PSD3: variants seen among roughly 807,000 people sequenced by gnomAD.
The protein encoded by PSD3 is PH and SEC7 domain-containing protein 3.
A neutral mutation model predicts 105.5 loss-of-function variants in PSD3; 49 were observed. The ratio of observed to expected loss-of-function variants is 0.46; its 90% CI spans 0.37 to 0.59. PSD3 has a LOEUF of 0.59. Ranked by LOEUF, PSD3 falls within the 20% of genes least tolerant of loss-of-function variation. PSD3 has a pLI of 0.00. For missense variants in PSD3, 1,561 were observed against 1,263.8 expected (o/e 1.24, Z -3.57); for synonymous variants, 557 against 457.8 (o/e 1.22, Z -2.77).
At chr8:19,084,413 A>G (rs1195070771) in exon 1 of PSD3, 2 of 456,150 alleles carry the variant, frequency 4.4e-6, no homozygotes, top group South Asian at 3.1e-5. Flanking sequence ...CAGCCCTTGG[A>G]GGGGAGCATC....
intron 9 of PSD3, among the ~76,000 whole-genome samples, chr8:18,763,784 G>A (rs1313076938): frequency 6.6e-6 from 1 of 152,040 alleles, no homozygotes; most frequent in East Asian, 1.9e-4. Flanking sequence ...ATCTTGGGTG[G>A]GTGAGCGGCT....
rs557283732 is a variant in PSD3 at position 18,756,390 on chromosome 8, T to A, written c.2172+9059A>T. On this transcript the variant is annotated intron_variant, in intron 9 of 15. Transcript: ENST00000327040. ...CTCTTGTGTAGTCCTTTGGGAATAATCTTTTGAAAATGCTGCAATGACAAA... is the reference window on the plus strand; with the variant it reads ...CTCTTGTGTAGTCCTTTGGGAATAAACTTTTGAAAATGCTGCAATGACAAA... Among the ~76,000 whole-genome samples, 39 of 152,314 alleles carry A rather than the reference T, an allele frequency of 2.6e-4. No individual in the cohort carries two copies. The South Asian group carries it at 7.7e-3, about 30-fold the overall frequency.
intron 9 of PSD3, among the ~76,000 whole-genome samples, chr8:18,721,999 G>A (rs746035759): frequency 1.5e-4 from 23 of 152,054 alleles, no homozygotes; most frequent in Non-Finnish European, 2.5e-4. Context: ...ATTTGAAAGC[G>A]GAAGCCAATT....
chr8:18,773,467 T>A (rs572003263), intron 8 of PSD3, among the ~76,000 whole-genome samples: 2 of 152,176 alleles, frequency 1.3e-5, no homozygotes, highest in Admixed American at 6.5e-5. Context: ...TTGGGGTACC[T>A]TGAACTCTCA....
intron 4 of PSD3, among the ~76,000 whole-genome samples, chr8:18,820,731 C>T (rs1812629513): frequency 6.6e-6 from 1 of 152,092 alleles, no homozygotes; most frequent in South Asian, 2.1e-4. Context: ...CTGCTGTATG[C>T]AGTTGCCTTA....
chr8:18,613,540 C>T lies in PSD3; in HGVS notation c.2411-13106G>A, dbSNP rs184486155. 5.4e-3 allele frequency among the ~76,000 whole-genome samples: 820 copies of T among 150,732 alleles called. 8 individuals are homozygous for T. Among genetic ancestry groups the T allele is most frequent in the South Asian group, 0.02 (91 of 4,614 alleles). On this transcript the variant is annotated intron_variant, in intron 11 of 15. Coordinates refer to ENST00000327040, the MANE Select transcript of PSD3 (RefSeq NM_015310.4). ...TTTCCTGGTCGTGTGACAAGAACCC[C>T]GTTTTTTTTCCTGCAACGCTAGAGT... is the stretch of plus-strand genomic sequence containing the variant.
chr8:18,607,326 G>GCACA (rs1804912429), intron 11 of PSD3, among the ~76,000 whole-genome samples: 1 of 152,296 alleles, frequency 6.6e-6, no homozygotes, highest in South Asian at 2.1e-4. Context: ...AGTAGTAATA[G>GCACA]CACAGCAAAT....
chr8:18,576,628 A>C (rs1490899964), intron 12 of PSD3, among the ~76,000 whole-genome samples: 1 of 152,176 alleles, frequency 6.6e-6, no homozygotes, highest in Non-Finnish European at 1.5e-5. Context: ...AGGAATTTCA[A>C]CTAGAGGTAG....
intron 1 of PSD3, among the ~76,000 whole-genome samples, chr8:18,997,322 T>G (rs758295287): frequency 5.9e-5 from 9 of 151,792 alleles, no homozygotes; most frequent in Admixed American, 4.6e-4. Flanking sequence ...AGGCCAGTAT[T>G]TTGCAAGTCA....
intron 9 of PSD3, among the ~76,000 whole-genome samples, chr8:18,664,210 C>T (rs28874290): frequency 0.037 from 5,691 of 152,230 alleles, 102 homozygotes; most frequent in East Asian, 0.054. Context: ...CTTAGTGAGG[C>T]TAAGGCTACG....
chr8:18,653,587 A>G (rs13268366), intron 10 of PSD3, among the ~76,000 whole-genome samples: 36,201 of 152,054 alleles, frequency 0.24, 4,716 homozygotes, highest in South Asian at 0.44. Flanking sequence ...ATTCACACCA[A>G]AATTTATCTG....
chr8:18,769,208 C>A (rs1220351466), intron 8 of PSD3, among the ~76,000 whole-genome samples: 1 of 152,044 alleles, frequency 6.6e-6, no homozygotes, highest in East Asian at 1.9e-4. Flanking sequence ...AATCTTTTTC[C>A]AAGTCAGGTG....
intron 1 of PSD3, among the ~76,000 whole-genome samples, chr8:19,042,471 C>T (rs968184881): frequency 2.6e-5 from 4 of 152,128 alleles, no homozygotes; most frequent in Admixed American, 6.5e-5. Context: ...AACAGAAGAA[C>T]GTTAGTGATT....
chr8:19,056,033 A>G (rs1828699698), intron 1 of PSD3, among the ~76,000 whole-genome samples: 1 of 152,214 alleles, frequency 6.6e-6, no homozygotes, highest in African/African-American at 2.4e-5. Flanking sequence ...TCTTTATGTC[A>G]GTCTGACTTC....
At chr8:18,910,049 G>A (rs918254527) in intron 2 of PSD3, among the ~76,000 whole-genome samples, 3 of 152,072 alleles carry the variant, frequency 2.0e-5, no homozygotes, top group African/African-American at 4.8e-5. Flanking sequence ...CGAAGAGTTC[G>A]CTCCCCTCCC....
At chr8:18,586,448 C>G (rs193302837) in intron 12 of PSD3, among the ~76,000 whole-genome samples, 4 of 152,262 alleles carry the variant, frequency 2.6e-5, no homozygotes, top group Admixed American at 2.6e-4. Context: ...TCATTATACG[C>G]TATTACGTAG....
chr8:18,655,785 C>G, intron 9 of PSD3, 100 bp from the exon 10 acceptor site: 1 of 1,120,354 alleles, frequency 8.9e-7, no homozygotes, highest in East Asian at 2.4e-5. Context: ...AGGATAGGCA[C>G]GAAGCCCCCC....
intron 1 of PSD3, among the ~76,000 whole-genome samples, chr8:18,981,888 G>A (rs767945178): frequency 1.3e-5 from 2 of 152,312 alleles, no homozygotes; most frequent in East Asian, 1.9e-4. Flanking sequence ...ACTGATCAGG[G>A]TGGTAGCTGC....
chr8:18,674,837 G>A (rs192457675), intron 9 of PSD3, among the ~76,000 whole-genome samples: 36 of 152,198 alleles, frequency 2.4e-4, no homozygotes, highest in Admixed American at 2.1e-3. Flanking sequence ...TAAGTCCTCT[G>A]TCTCTACAAA....
Sources: gnomAD v4.1 joint callset for allele counts (sites outside exome capture counted in the v4.1 genomes callset) on GRCh38, gnomAD v4.1.1 for gene constraint, MANE v1.5 for transcripts, NCBI Gene and HGNC (gene_info 2026-07-23, HGNC 2026-07-21) for gene names.